Variants in HECW1 observed in about 807,000 individuals in gnomAD.
HECW1 encodes the protein E3 ubiquitin-protein ligase HECW1.
Under a neutral mutation model 182.3 loss-of-function variants are expected in HECW1, and 61 were observed. That is an observed-to-expected ratio of 0.33 (90% CI 0.27 to 0.41). The LOEUF is 0.41. Ranked by LOEUF, HECW1 falls within the 10% of genes least tolerant of loss-of-function variation. The probability of loss-of-function intolerance (pLI) is 1.00; values close to 1 mark genes in which losing one functional copy is unlikely to be tolerated. For missense variants in HECW1, 1,739 were observed against 2,108.9 expected, an observed-to-expected ratio of 0.82 and a Z score of 3.44; for synonymous variants, 859 against 832.6, an observed-to-expected ratio of 1.03 and a Z score of -0.55.
intron 5 of HECW1, among the ~76,000 whole-genome samples, chr7:43,346,750 TC>T (rs1348016734): frequency 2.6e-5 from 4 of 152,184 alleles, no homozygotes; most frequent in African/African-American, 7.2e-5. Context: ...GAAAAGGGCA[TC>T]CTTTCCCCAC....
At chr7:43,408,051 C>G (rs2075670834) in intron 8 of HECW1, among the ~76,000 whole-genome samples, 1 of 152,198 alleles carries the variant, frequency 6.6e-6, no homozygotes, top group Non-Finnish European at 1.5e-5. Flanking sequence ...TGATCAGAGC[C>G]TTCCAGTTTC....
chr7:43,361,057 CGTGTGT>C (rs3032904), intron 6 of HECW1, 77 bp downstream of exon 6: 64,891 of 630,074 alleles, frequency 0.1, 1,267 homozygotes, highest in African/African-American at 0.22. Flanking sequence ...CTTGTGCGTG[CGTGTGT>C]GTGTGTGTGT....
At chr7:43,354,579 G>C (rs1274167106) in intron 5 of HECW1, among the ~76,000 whole-genome samples, 1 of 152,102 alleles carries the variant, frequency 6.6e-6, no homozygotes, top group Non-Finnish European at 1.5e-5. Context: ...GAATCAGTGA[G>C]CTCAAAGAGA....
At chr7:43,283,702 T>C (rs1170322728) in intron 3 of HECW1, among the ~76,000 whole-genome samples, 3 of 152,204 alleles carry the variant, frequency 2.0e-5, no homozygotes, top group East Asian at 3.8e-4. Flanking sequence ...AAGAGTAACA[T>C]ATATTGTTCA....
chr7:43,348,072 T>C (rs1813916602), intron 5 of HECW1, among the ~76,000 whole-genome samples: 4 of 152,198 alleles, frequency 2.6e-5, no homozygotes, highest in Admixed American at 2.6e-4. Flanking sequence ...CTCTATCTTG[T>C]GGAATAGTGT....
At chr7:43,321,447 C>T (rs769828296) in intron 5 of HECW1, among the ~76,000 whole-genome samples, 10 of 152,036 alleles carry the variant, frequency 6.6e-5, no homozygotes, top group Non-Finnish European at 1.5e-4. Context: ...AGGTGGGCTT[C>T]GTGTGTAGGT....
intron 2 of HECW1, among the ~76,000 whole-genome samples, chr7:43,227,082 G>A (rs2152706590): frequency 6.6e-6 from 1 of 152,282 alleles, no homozygotes; most frequent in East Asian, 1.9e-4. Context: ...TCTCATTAAT[G>A]TCTCATTATT....
At chr7:43,501,183 CTTT>C (rs567367189) in intron 20 of HECW1, 27 bp from the exon 21 acceptor site, 100,864 of 729,590 alleles carry the variant, frequency 0.14, 2,600 homozygotes, top group Middle Eastern at 0.16. Context: ...TCTTTTCTTT[CTTT>C]TTTTTTTTTT....
At chr7:43,558,500 C>T (rs756984714) in intron 29 of HECW1, among the ~76,000 whole-genome samples, 8 of 152,190 alleles carry the variant, frequency 5.3e-5, no homozygotes, top group Non-Finnish European at 1.0e-4. Context: ...CTTTGCCCCT[C>T]TTCCCCCGCA....
chr7:43,259,401 G>A (rs35784045), intron 3 of HECW1, among the ~76,000 whole-genome samples: 54,960 of 150,562 alleles, frequency 0.37, 11,273 homozygotes, highest in African/African-American at 0.56. Flanking sequence ...AAAAAAAACC[G>A]TTCAATATAT....
At chr7:43,385,529 G>A (rs2074759487) in intron 6 of HECW1, among the ~76,000 whole-genome samples, 1 of 151,748 alleles carries the variant, frequency 6.6e-6, no homozygotes, top group Admixed American at 6.6e-5. Context: ...GTAAAGCCTG[G>A]GGCAGCTCCT....
intron 8 of HECW1, among the ~76,000 whole-genome samples, chr7:43,436,462 G>T (rs1435134872): frequency 6.6e-6 from 1 of 152,128 alleles, no homozygotes; most frequent in East Asian, 1.9e-4. Flanking sequence ...GTCCGAAAAG[G>T]GAGTCAGCGA....
At chr7:43,419,637 G>T (rs539773457) in intron 8 of HECW1, among the ~76,000 whole-genome samples, 22 of 152,244 alleles carry the variant, frequency 1.4e-4, no homozygotes, top group African/African-American at 5.3e-4. Flanking sequence ...TCCATAAAAA[G>T]ACTTTGATAA....
intron 21 of HECW1, among the ~76,000 whole-genome samples, chr7:43,504,056 C>T (rs2079478089): frequency 1.3e-5 from 2 of 152,124 alleles, no homozygotes; most frequent in African/African-American, 2.4e-5. Flanking sequence ...ATATCCCTCC[C>T]CTCCCTTTCT....
intron 3 of HECW1, among the ~76,000 whole-genome samples, chr7:43,285,403 A>T (rs975876049): frequency 6.6e-6 from 1 of 152,186 alleles, no homozygotes; most frequent in African/African-American, 2.4e-5. Flanking sequence ...TGGACTAGGA[A>T]ATCAAAACTC....
At chr7:43,168,301 A>G (rs1253589997) in intron 2 of HECW1, among the ~76,000 whole-genome samples, 1 of 152,158 alleles carries the variant, frequency 6.6e-6, no homozygotes, top group African/African-American at 2.4e-5. Flanking sequence ...ACATACAGCT[A>G]TTATACAGTA....
chr7:43,190,021 G>A (rs6958723), intron 2 of HECW1, among the ~76,000 whole-genome samples: 34,782 of 152,082 alleles, frequency 0.23, 4,222 homozygotes, highest in Middle Eastern at 0.26. Flanking sequence ...GTGTTTTCAA[G>A]GCAAATAAAT....
chr7:43,237,125 G>A, intron 2 of HECW1, among the ~76,000 whole-genome samples: 1 of 132,352 alleles, frequency 7.6e-6, no homozygotes. Flanking sequence ...AAAAAAAGAA[G>A]GAAGGAAGGA....
chr7:43,505,959 A>C (rs943462039), intron 21 of HECW1, among the ~76,000 whole-genome samples: 1 of 152,228 alleles, frequency 6.6e-6, no homozygotes, highest in Non-Finnish European at 1.5e-5. Flanking sequence ...TGGTTATTGA[A>C]TGGGCAAGCC....
Sources: gnomAD v4.1 joint callset for allele counts (sites outside exome capture counted in the v4.1 genomes callset) on GRCh38, gnomAD v4.1.1 for gene constraint, MANE v1.5 for transcripts, NCBI Gene and HGNC (gene_info 2026-07-23, HGNC 2026-07-21) for gene names.